The following APBB1IP variants were observed in gnomAD, a reference collection of about 807,000 sequenced individuals.
The protein encoded by APBB1IP is amyloid beta precursor protein binding family B member 1 interacting protein.
A neutral mutation model predicts 64.9 loss-of-function variants in APBB1IP; 27 were observed. The ratio of observed to expected loss-of-function variants is 0.42; its 90% CI spans 0.31 to 0.57. APBB1IP has a LOEUF of 0.57. APBB1IP is among the 20% of genes least tolerant of loss of function. The pLI, the probability that APBB1IP is intolerant of heterozygous loss-of-function variation, is 0.20. For missense variants in APBB1IP, 812 were observed against 845.5 expected (o/e 0.96, Z 0.49); for synonymous variants, 392 against 331.0 (o/e 1.18, Z -2.00).
At position 26,500,868 on chromosome 10, in the gene APBB1IP, T is replaced by G. The variant is rs1046978515; in HGVS notation, c.210T>G (p.Asp70Glu). ...EDQDLDALMA[D>E]LVADISEAEQ... is the part of the protein sequence containing the mutation. ...AAGATTTAGATGCTCTCATGGCAGA[T>G]CTGGTAGCAGACATAAGTGAGGCTG... The change falls in exon 5 of 15, where the codon GAT becomes GAG. Residue 70 changes from aspartate (D) to glutamate (E), a missense_variant. By Grantham distance (45) the Asp-to-Glu change is conservative. This residue lies in a region of APBB1IP where 394 missense variants were observed against 413.1 expected (regional missense o/e 0.95). Transcript: ENST00000376236. 1 of 1,614,198 alleles carries G rather than the reference T, an allele frequency of 6.2e-7. No homozygotes were observed. The highest frequency in any genetic ancestry group is 8.5e-7 in the Non-Finnish European group (1 of 1,180,022).
rs1293625959 is a variant in APBB1IP at position 26,566,942 on chromosome 10, T to C, written c.1474-19T>C. 3 of 1,556,538 alleles carry C rather than the reference T, an allele frequency of 1.9e-6. No homozygotes were observed. The highest frequency in any genetic ancestry group is 2.4e-5 in the East Asian group (1 of 41,362). ...CAAAAATTAAAAAAAAAATGAATGC[T>C]ACTGCCACTCGGTTGCAGGATAAGA... On this transcript the variant is annotated intron_variant, in intron 14 of 14. Transcript: ENST00000376236.
intron 2 of APBB1IP, among the ~76,000 whole-genome samples, chr10:26,483,306 T>C (rs1180994842): frequency 6.6e-6 from 1 of 152,134 alleles, no homozygotes; most frequent in Non-Finnish European, 1.5e-5. Context: ...CTGACTTACT[T>C]TGTGTAAACT....
chr10:26,556,437 A>G (rs1370957019), intron 11 of APBB1IP, among the ~76,000 whole-genome samples: 2 of 152,246 alleles, frequency 1.3e-5, no homozygotes, highest in African/African-American at 2.4e-5. Flanking sequence ...CTTAGAGGTC[A>G]TAGAATCCTC....
intron 6 of APBB1IP, among the ~76,000 whole-genome samples, chr10:26,505,675 A>G (rs787035): frequency 0.54 from 81,749 of 151,866 alleles, 25,060 homozygotes; most frequent in African/African-American, 0.85. Flanking sequence ...CCATTTTGCA[A>G]GGAAAATAGA....
chr10:26,467,917 TAAG>T (rs1344802992), intron 2 of APBB1IP, among the ~76,000 whole-genome samples: 3 of 152,170 alleles, frequency 2.0e-5, no homozygotes, highest in African/African-American at 4.8e-5. Context: ...GTACTAACTA[TAAG>T]AAGAACAGCA....
intron 6 of APBB1IP, chr10:26,509,695 C>G (rs1011316113): frequency 6.6e-6 from 1 of 152,168 alleles, no homozygotes; most frequent in Non-Finnish European, 1.5e-5. Flanking sequence ...TAGGACAGAA[C>G]CTGGCTGCTC....
At chr10:26,553,830 T>G (rs369894944) in intron 11 of APBB1IP, among the ~76,000 whole-genome samples, 3 of 152,150 alleles carry the variant, frequency 2.0e-5, no homozygotes, top group South Asian at 4.1e-4. Flanking sequence ...CTTTCTCCAG[T>G]CCTCATGGCA....
chr10:26,439,299 CGT>C (rs1284574969), intron 2 of APBB1IP, among the ~76,000 whole-genome samples: 4 of 152,100 alleles, frequency 2.6e-5, no homozygotes, highest in Non-Finnish European at 4.4e-5. Flanking sequence ...AAATGCCAGC[CGT>C]GTGAGAATTT....
chr10:26,528,294 C>A (rs1479108925), intron 8 of APBB1IP, among the ~76,000 whole-genome samples: 1 of 152,198 alleles, frequency 6.6e-6, no homozygotes, highest in Non-Finnish European at 1.5e-5. Flanking sequence ...ACTGCATTAA[C>A]CCCATAGCTC....
At chr10:26,509,121 T>G (rs72803282) in intron 6 of APBB1IP, among the ~76,000 whole-genome samples, 7,146 of 152,288 alleles carry the variant, frequency 0.047, 235 homozygotes, top group Non-Finnish European at 0.07. Context: ...GACTGCTATT[T>G]GAAGAATTTC....
At chr10:26,543,223 G>A (rs990971827) in intron 11 of APBB1IP, among the ~76,000 whole-genome samples, 1 of 151,936 alleles carries the variant, frequency 6.6e-6, no homozygotes, top group Non-Finnish European at 1.5e-5. Flanking sequence ...TCCCAACACT[G>A]TGGGAGGCTG....
At chr10:26,489,221 C>G (rs1194203982) in intron 2 of APBB1IP, among the ~76,000 whole-genome samples, 1 of 152,164 alleles carries the variant, frequency 6.6e-6, no homozygotes, top group African/African-American at 2.4e-5. Context: ...TGACCTCTAG[C>G]TCAGGGTAGT....
At chr10:26,448,236 T>A (rs946701715) in intron 2 of APBB1IP, among the ~76,000 whole-genome samples, 3 of 151,846 alleles carry the variant, frequency 2.0e-5, no homozygotes, top group African/African-American at 7.3e-5. Flanking sequence ...GAGATGAGGG[T>A]CTCACCATGT....
At chr10:26,459,610 A>G (rs564983002) in intron 2 of APBB1IP, among the ~76,000 whole-genome samples, 93 of 152,014 alleles carry the variant, frequency 6.1e-4, no homozygotes, top group African/African-American at 2.2e-3. Flanking sequence ...TTGTTTCCCG[A>G]CTTTTTTATT....
chr10:26,504,685 G>A (rs1836152576), intron 6 of APBB1IP, among the ~76,000 whole-genome samples: 2 of 151,568 alleles, frequency 1.3e-5, no homozygotes, highest in Admixed American at 1.3e-4. Flanking sequence ...ATTCCAGCCT[G>A]GACTCCAGAG....
intron 8 of APBB1IP, among the ~76,000 whole-genome samples, chr10:26,514,834 C>T (rs1401029653): frequency 6.6e-6 from 1 of 151,862 alleles, no homozygotes; most frequent in African/African-American, 2.4e-5. Flanking sequence ...CAAAGTTTTT[C>T]GCCCCTAACT....
intron 6 of APBB1IP, among the ~76,000 whole-genome samples, chr10:26,505,179 T>G (rs1836159267): frequency 6.6e-6 from 1 of 152,214 alleles, no homozygotes; most frequent in Non-Finnish European, 1.5e-5. Flanking sequence ...CCATGGCACC[T>G]ATCACAGTTC....
At chr10:26,452,428 A>G (rs1835475403) in intron 2 of APBB1IP, among the ~76,000 whole-genome samples, 1 of 152,246 alleles carries the variant, frequency 6.6e-6, no homozygotes, top group African/African-American at 2.4e-5. Flanking sequence ...TTAGATGTGG[A>G]CATGGAGACA....
intron 2 of APBB1IP, among the ~76,000 whole-genome samples, chr10:26,445,215 C>G (rs922781349): frequency 2.0e-5 from 3 of 150,716 alleles, no homozygotes; most frequent in African/African-American, 7.4e-5. Context: ...AAAACAAAGT[C>G]TTTGCAATCC....
Sources: allele counts gnomAD v4.1 joint callset (sites outside exome capture counted in the v4.1 genomes callset), GRCh38; gene constraint gnomAD v4.1.1; regional missense constraint gnomAD v4.1.1; transcripts MANE v1.5; gene names NCBI Gene and HGNC (gene_info 2026-07-23, HGNC 2026-07-21).